ASTN2: variants seen among roughly 807,000 people sequenced by gnomAD.
ASTN2 encodes the protein astrotactin-2.
Under a neutral mutation model 139.8 loss-of-function variants are expected in ASTN2, and 54 were observed. The ratio of observed to expected loss-of-function variants is 0.39; its 90% CI spans 0.31 to 0.48. ASTN2 has a LOEUF of 0.48. ASTN2 is among the 20% of genes least tolerant of loss of function. ASTN2 has a pLI of 0.95. For synonymous variants in ASTN2, 756 were observed against 719.5 expected (o/e 1.05, Z -0.81); for missense variants, 1,565 against 1,725.1 (o/e 0.91, Z 1.64).
intron 2 of ASTN2, among the ~76,000 whole-genome samples, chr9:117,290,885 G>T (rs935980507): frequency 6.6e-6 from 1 of 152,186 alleles, no homozygotes; most frequent in Non-Finnish European, 1.5e-5. Context: ...TTGTTGCAAG[G>T]GTTAAAACAC....
chr9:116,922,078 A>T (rs1241626161), intron 10 of ASTN2, among the ~76,000 whole-genome samples: 1 of 152,198 alleles, frequency 6.6e-6, no homozygotes, highest in Non-Finnish European at 1.5e-5. Flanking sequence ...CCTCTGCCCT[A>T]GAACCTCTTC....
chr9:117,030,213 A>C (rs1354560771), intron 6 of ASTN2, among the ~76,000 whole-genome samples: 1 of 152,176 alleles, frequency 6.6e-6, no homozygotes, highest in Non-Finnish European at 1.5e-5. Context: ...ACCTTAAGCC[A>C]ATAATTATGG....
At position 117,141,329 on chromosome 9, in the gene ASTN2, G is replaced by C. The variant is rs762528231; in HGVS notation, c.1165C>G (p.Arg389Gly). 1.6e-5 allele frequency: 22 copies of C among 1,367,040 alleles called. No homozygotes were observed. Among genetic ancestry groups the C allele is most frequent in the Non-Finnish European group, 2.0e-5 (20 of 1,021,646 alleles). The allele number at this position is 1,367,040 out of a possible 1,614,324, so 84.7% of individuals were successfully genotyped here. A position where few individuals can be genotyped will look rare whatever the true frequency, so the allele number is the denominator to read the frequency against. Reference protein sequence around the residue: ...AGKRKRRSKSRGGISFGRAKG... With the variant: ...AGKRKRRSKSGGGISFGRAKG... ...CAGATGTGCCAGGAGGGCCTACCTC[G>C]AGACTTGCTCCTCCGCTTCCTCTTC... The change falls in exon 4 of 23, where the codon CGA (arginine) becomes GGA (glycine). Residue 389 changes from arginine to glycine, a missense_variant. This residue lies in a region of ASTN2 where 596 missense variants were observed against 576.8 expected (regional missense o/e 1.03). Coordinates refer to ENST00000313400, the MANE Select transcript of ASTN2 (RefSeq NM_001365068.1).
intron 16 of ASTN2, among the ~76,000 whole-genome samples, chr9:116,721,775 T>C (rs1054151961): frequency 8.5e-5 from 13 of 152,196 alleles, no homozygotes; most frequent in Non-Finnish European, 1.6e-4. Context: ...CACCTGGTGA[T>C]ATAAAACTCT....
rs369660013 is a variant in ASTN2, at chr9:117,090,427, A to T, written c.1276+5617T>A. ...CTTTGGGAAGAAGTTCTACCTGGAA[A>T]TACCAGACACCCCTCCAAAATAGTC... On this transcript the variant is annotated intron_variant, in intron 5 of 22. Coordinates refer to ENST00000313400, the MANE Select transcript of ASTN2 (RefSeq NM_001365068.1). 2.4e-4 allele frequency among the ~76,000 whole-genome samples: 36 copies of T among 152,294 alleles called. 1 individual carries two copies. The East Asian group carries it at 4.2e-3, about 18-fold the overall frequency.
At chr9:116,927,667 C>T (rs1001729574) in intron 10 of ASTN2, among the ~76,000 whole-genome samples, 1 of 152,162 alleles carries the variant, frequency 6.6e-6, no homozygotes, top group African/African-American at 2.4e-5. Flanking sequence ...TGGCTGGACT[C>T]TATTAGGCTC....
chr9:117,329,031 G>A lies in ASTN2; in HGVS notation c.443-37518C>T, dbSNP rs548665818. On this transcript the variant is annotated intron_variant, in intron 1 of 22. Transcript: ENST00000313400. ...GAGAAGGAAAATGTGGCCTCTTGCT[G>A]TAGAAGCAAAGTGACCTTCTGTCAG... is the stretch of plus-strand genomic sequence containing the variant. Among the ~76,000 whole-genome samples, 31 of 152,276 alleles carry A rather than the reference G, an allele frequency of 2.0e-4. No homozygotes were observed. The South Asian group carries it at 6.4e-3, about 32-fold the overall frequency.
rs1833081176 is a variant in ASTN2 at position 117,237,539 on chromosome 9, G to T, written c.631-22797C>A. On this transcript the variant is annotated intron_variant, in intron 2 of 22. Transcript: ENST00000313400. ...CAGTTGCCCAGCCTGGAGTGCAATG[G>T]TGTGATCTCAGCTCACTGTAACCTC... Among the ~76,000 whole-genome samples, 4 of 152,160 alleles carry T rather than the reference G, an allele frequency of 2.6e-5. No individual in the cohort carries two copies. In the South Asian group the frequency reaches 8.3e-4, roughly 31 times the overall value.
intron 19 of ASTN2, among the ~76,000 whole-genome samples, chr9:116,596,771 T>A (rs1381845100): frequency 6.6e-6 from 1 of 152,132 alleles, no homozygotes; most frequent in East Asian, 1.9e-4. Context: ...ATTTAGGTAG[T>A]CAGGAAAGGC....
intron 10 of ASTN2, among the ~76,000 whole-genome samples, chr9:116,926,420 G>A (rs754622268): frequency 6.6e-5 from 10 of 152,140 alleles, no homozygotes; most frequent in Non-Finnish European, 1.3e-4. Flanking sequence ...ATCTGCTCTT[G>A]TAGAAACTTC....
In ASTN2 at chr9:116,534,990, G is replaced by C. The variant is rs367573127; in HGVS notation, c.3356-47490C>G. On this transcript the variant is annotated intron_variant, in intron 19 of 22. Coordinates refer to ENST00000313400, the MANE Select transcript of ASTN2 (RefSeq NM_001365068.1). ...AAAGTCTCCCATTTTTATTGTGTGG[G>C]AGCCTAAGTCTCTTTGTAGGTCTCT... 9.2e-5 allele frequency among the ~76,000 whole-genome samples: 14 copies of C among 152,258 alleles called. No homozygotes were observed. In the East Asian group the frequency reaches 2.1e-3, roughly 23 times the overall value.
intron 19 of ASTN2, among the ~76,000 whole-genome samples, chr9:116,572,267 C>T (rs375155773): frequency 1.3e-5 from 2 of 152,298 alleles, no homozygotes; most frequent in African/African-American, 4.8e-5. Context: ...CAAGAACAGC[C>T]TGGAGAAAGG....
chr9:117,365,033 T>C (rs1161089918), intron 1 of ASTN2, among the ~76,000 whole-genome samples: 1 of 147,370 alleles, frequency 6.8e-6, no homozygotes, highest in African/African-American at 2.5e-5. Flanking sequence ...GCACCCGTAG[T>C]TCCAGCTACT....
At chr9:116,567,077 G>T (rs1478629859) in intron 19 of ASTN2, among the ~76,000 whole-genome samples, 1 of 152,222 alleles carries the variant, frequency 6.6e-6, no homozygotes, top group Non-Finnish European at 1.5e-5. Context: ...GAGGTCATGT[G>T]ACTTGTGAAC....
At chr9:117,152,928 T>C (rs1739213338) in intron 3 of ASTN2, among the ~76,000 whole-genome samples, 1 of 152,124 alleles carries the variant, frequency 6.6e-6, no homozygotes, top group African/African-American at 2.4e-5. Flanking sequence ...CAGTTATTAG[T>C]TTAAGGTAAA....
intron 11 of ASTN2, among the ~76,000 whole-genome samples, chr9:116,831,006 T>C (rs191619165): frequency 7.1e-4 from 104 of 145,970 alleles, no homozygotes; most frequent in African/African-American, 2.5e-3. Flanking sequence ...GGAATACTAC[T>C]AGGGCATAAA....
chr9:116,761,366 T>C (rs1829668608), intron 13 of ASTN2, among the ~76,000 whole-genome samples: 1 of 152,128 alleles, frequency 6.6e-6, no homozygotes, highest in South Asian at 2.1e-4. Flanking sequence ...CACAATCCTG[T>C]TGAAATAGAC....
At chr9:116,469,072 C>T (rs1319249532) in intron 20 of ASTN2, among the ~76,000 whole-genome samples, 1 of 152,154 alleles carries the variant, frequency 6.6e-6, no homozygotes, top group Non-Finnish European at 1.5e-5. Flanking sequence ...CACATTTCAT[C>T]GTGAGTTCCA....
chr9:116,848,527 G>T (rs1832506882), intron 11 of ASTN2, among the ~76,000 whole-genome samples: 1 of 152,210 alleles, frequency 6.6e-6, no homozygotes. Flanking sequence ...AGCACGAAGA[G>T]GTGTATTAAC....
Sources: gnomAD v4.1 joint callset for allele counts (sites outside exome capture counted in the v4.1 genomes callset) on GRCh38, gnomAD v4.1.1 for gene constraint, gnomAD v4.1.1 regional missense constraint, MANE v1.5 for transcripts, NCBI Gene and HGNC (gene_info 2026-07-23, HGNC 2026-07-21) for gene names.